Variants in ARSG observed in about 807,000 individuals in gnomAD.
The protein encoded by ARSG is ASG.
ARSG carries 37 observed loss-of-function variants against 50.5 expected under a neutral mutation model. The ratio of observed to expected loss-of-function variants is 0.73; its 90% confidence interval spans 0.56 to 0.96. The LOEUF (loss-of-function observed/expected upper bound fraction) is 0.96, where lower values mean the gene tolerates loss of function less well. Ranked by LOEUF, ARSG falls within the 50% of genes least tolerant of loss-of-function variation. The pLI is 0.00. For synonymous variants in ARSG, 225 were observed against 254.6 expected, an observed-to-expected ratio of 0.88 and a Z score of 1.11; for missense variants, 629 against 675.3, an observed-to-expected ratio of 0.93 and a Z score of 0.76.
chr17:68,360,604 A>G (rs2079236273), intron 6 of ARSG, among the ~76,000 whole-genome samples: 1 of 152,118 alleles, frequency 6.6e-6, no homozygotes, highest in Admixed American at 6.5e-5. Flanking sequence ...GCTGAATGCT[A>G]ATGCTTGATT....
the ARSG span, chr17:68,428,761 C>T: frequency 1.6e-6 from 2 of 1,265,370 alleles, no homozygotes; most frequent in Non-Finnish European, 2.3e-6. Context: ...GCTTGTCGTT[C>T]TTGGCGAAGG....
chr17:68,312,402 A>G (rs35335301), intron 2 of ARSG, among the ~76,000 whole-genome samples: 14,642 of 152,192 alleles, frequency 0.096, 789 homozygotes, highest in Middle Eastern at 0.13. Context: ...CAGATTCTCC[A>G]AAGGGCGTGG....
intron 8 of ARSG, among the ~76,000 whole-genome samples, chr17:68,383,744 T>C (rs998739945): frequency 1.3e-5 from 2 of 152,190 alleles, no homozygotes; most frequent in Non-Finnish European, 2.9e-5. Flanking sequence ...TGGAGGGAGC[T>C]ATATGTATTT....
intron 11 of ARSG, among the ~76,000 whole-genome samples, chr17:68,407,054 A>G (rs1003657822): frequency 6.6e-6 from 1 of 152,108 alleles, no homozygotes; most frequent in Admixed American, 6.6e-5. Flanking sequence ...GTATAAGGTG[A>G]GAGATGAGGA....
chr17:68,353,065 T>C (rs34944609), intron 5 of ARSG, among the ~76,000 whole-genome samples: 1,921 of 152,190 alleles, frequency 0.013, 18 homozygotes, highest in Non-Finnish European at 0.017. Context: ...TGGGTATTTA[T>C]TGAGAAATTG....
chr17:68,428,894 T>A, the ARSG span: 1 of 1,614,144 alleles, frequency 6.2e-7, no homozygotes, highest in East Asian at 2.2e-5. Context: ...TATAAAGGTG[T>A]CCACTGGATG....
chr17:68,445,675 C>G, the ARSG span, among the ~76,000 whole-genome samples: 4 of 152,226 alleles, frequency 2.6e-5, no homozygotes, highest in African/African-American at 4.8e-5. Context: ...TAAGTGAAAA[C>G]AGGCCACAGG....
chr17:68,426,250 G>GGGGGGGGGGGGGGGT, downstream of ARSG: 1 of 828,060 alleles, frequency 1.2e-6, no homozygotes, highest in Non-Finnish European at 1.9e-6. Context: ...GGTGGGGAGC[G>GGGGGGGGGGGGGGGT]GGGGCTCAAA....
the ARSG span, among the ~76,000 whole-genome samples, chr17:68,451,858 G>A: frequency 6.6e-6 from 1 of 152,206 alleles, no homozygotes; most frequent in Non-Finnish European, 1.5e-5. Flanking sequence ...AAAGGTTACG[G>A]CTTTGGTATC....
At chr17:68,309,980 G>GGT (rs2076783818) in intron 2 of ARSG, among the ~76,000 whole-genome samples, 3 of 147,804 alleles carry the variant, frequency 2.0e-5, no homozygotes, top group Admixed American at 2.0e-4. Context: ...GTTTTGTTGT[G>GGT]TTTTTTTTTT....
downstream of ARSG, chr17:68,426,235 T>TGGG: frequency 6.1e-6 from 4 of 652,378 alleles, no homozygotes; most frequent in Non-Finnish European, 8.8e-6. Flanking sequence ...TGCCATGACC[T>TGGG]GGCGGGTGGG....
chr17:68,418,036 T>A (rs2082504845), intron 11 of ARSG, among the ~76,000 whole-genome samples: 1 of 152,104 alleles, frequency 6.6e-6, no homozygotes, highest in Non-Finnish European at 1.5e-5. Flanking sequence ...GGCTGAGTTG[T>A]TGATTTTTTA....
intron 1 of ARSG, chr17:68,278,273 A>C: frequency 6.2e-7 from 1 of 1,614,210 alleles, no homozygotes; most frequent in Non-Finnish European, 8.5e-7. Context: ...CAGGCACTTC[A>C]GTATACACAT....
chr17:68,421,508 A>C (rs1302026305), downstream of ARSG: 1 of 490,134 alleles, frequency 2.0e-6, no homozygotes, highest in Admixed American at 3.3e-5. Context: ...TTATATACCA[A>C]TATGGTTAAT....
At chr17:68,340,884 T>C (rs2078238615) in intron 2 of ARSG, among the ~76,000 whole-genome samples, 1 of 152,182 alleles carries the variant, frequency 6.6e-6, no homozygotes, top group Admixed American at 6.5e-5. Context: ...AAAGCATGAG[T>C]TCATAATGAC....
rs934912411 is a variant in ARSG at position 68,294,790 on chromosome 17, C to T, written c.-552+3222C>T. Among the ~76,000 whole-genome samples the T allele has an allele frequency of 1.2e-4, 18 of 152,110 alleles. No individual in the cohort carries two copies. In the East Asian group the frequency reaches 1.5e-3, roughly 13 times the overall value. On this transcript the variant is annotated intron_variant, in intron 1 of 11. Coordinates refer to ENST00000621439, the MANE Select transcript of ARSG (RefSeq NM_001267727.2). ...ACTCTGCCATCTAGCAACAGTGAACCGATGGTACAGGTAGTTCTGCTAGGT... is the reference window on the plus strand; with the variant it reads ...ACTCTGCCATCTAGCAACAGTGAACTGATGGTACAGGTAGTTCTGCTAGGT...
In ARSG at chr17:68,307,448, G is replaced by T; in HGVS notation, c.-46G>T. 1.3e-6 allele frequency: 2 copies of T among 1,482,312 alleles called. No homozygotes were observed. Among genetic ancestry groups the T allele is most frequent in the Non-Finnish European group, 1.9e-6 (2 of 1,069,884 alleles). The allele number at this position is 1,482,312 out of a possible 1,614,324, so 91.8% of individuals were successfully genotyped here. A position where few individuals can be genotyped will look rare whatever the true frequency, so the allele number is the denominator to read the frequency against. The stretch of plus-strand genomic sequence containing the variant: ...GGAAGCTCTCAGAAAAATCTCTAGT[G>T]GTGGCTGCCGTCGCTCCAGACAATC... On this transcript the variant is annotated 5_prime_UTR_variant, in exon 2 of 12. Transcript: ENST00000621439.
chr17:68,427,262 G>A (rs776770611), downstream of ARSG: 44 of 1,603,704 alleles, frequency 2.7e-5, no homozygotes, highest in Non-Finnish European at 3.6e-5. Flanking sequence ...AGCTACTTGT[G>A]ACAATCAAGA....
At chr17:68,331,718 C>T (rs535081798) in intron 2 of ARSG, among the ~76,000 whole-genome samples, 1 of 152,232 alleles carries the variant, frequency 6.6e-6, no homozygotes, top group East Asian at 1.9e-4. Context: ...TTCTATTTTC[C>T]CTAAGTGTCA....
Sources: allele counts gnomAD v4.1 joint callset (sites outside exome capture counted in the v4.1 genomes callset), GRCh38; gene constraint gnomAD v4.1.1; transcripts MANE v1.5; gene names NCBI Gene and HGNC (gene_info 2026-07-23, HGNC 2026-07-21).